The following IPO11 variants were observed in gnomAD, a reference collection of about 807,000 sequenced individuals.
IPO11 encodes importin 11, also known as importin-11.
A neutral mutation model predicts 143.2 loss-of-function variants in IPO11; 66 were observed. The ratio of observed to expected loss-of-function variants is 0.46; its 90% CI spans 0.38 to 0.57. IPO11 has a LOEUF of 0.57. IPO11 is among the 20% of genes least tolerant of loss of function. The probability of loss-of-function intolerance (pLI) is 0.00; values close to 1 mark genes in which losing one functional copy is unlikely to be tolerated. For missense variants in IPO11, 1,026 were observed against 1,141.0 expected (o/e 0.90, Z 1.45); for synonymous variants, 385 against 377.8 (o/e 1.02, Z -0.22).
At chr5:62,424,964 A>G (rs1478995433) in intron 1 of IPO11, among the ~76,000 whole-genome samples, 1 of 152,226 alleles carries the variant, frequency 6.6e-6, no homozygotes, top group South Asian at 2.1e-4. Flanking sequence ...TTCTTTTGGT[A>G]GAGTGATGCA....
chr5:62,594,004 A>G (rs565411096), intron 28 of IPO11, among the ~76,000 whole-genome samples: 3 of 152,336 alleles, frequency 2.0e-5, no homozygotes, highest in East Asian at 3.9e-4. Flanking sequence ...TTGGCTTTCA[A>G]CTTCCCCTTC....
At chr5:62,585,304 T>C (rs1482033987) in intron 27 of IPO11, among the ~76,000 whole-genome samples, 1 of 152,210 alleles carries the variant, frequency 6.6e-6, no homozygotes, top group African/African-American at 2.4e-5. Context: ...CTGCTTCTCA[T>C]CTATGAAAGC....
chr5:62,619,769 C>A (rs566059101), intron 29 of IPO11, among the ~76,000 whole-genome samples: 1 of 151,674 alleles, frequency 6.6e-6, no homozygotes, highest in East Asian at 1.9e-4. Flanking sequence ...AGGAGAATGG[C>A]GTGAACCCAG....
At chr5:62,517,360 A>G (rs1389526210) in intron 20 of IPO11, among the ~76,000 whole-genome samples, 1 of 152,146 alleles carries the variant, frequency 6.6e-6, no homozygotes, top group Non-Finnish European at 1.5e-5. Flanking sequence ...ACAATGAACG[A>G]CCCGAGATAT....
intron 20 of IPO11, 32 bp from the exon 21 acceptor site, chr5:62,526,110 C>G: frequency 7.0e-7 from 1 of 1,425,928 alleles, no homozygotes. Context: ...ATTAGAGTGT[C>G]TTATTATAAG....
At chr5:62,527,049 G>T (rs573684495) in intron 21 of IPO11, among the ~76,000 whole-genome samples, 1 of 152,018 alleles carries the variant, frequency 6.6e-6, no homozygotes, top group Non-Finnish European at 1.5e-5. Context: ...AATTACTTTG[G>T]TGCAAATTAT....
At chr5:62,552,041 G>A (rs32169) in intron 26 of IPO11, among the ~76,000 whole-genome samples, 13,819 of 151,992 alleles carry the variant, frequency 0.091, 682 homozygotes, top group East Asian at 0.14. Context: ...GGAGAATGGC[G>A]TGAACCCGGG....
rs372244947 is a variant in IPO11 at position 62,455,015 on chromosome 5, G to T, written c.516+3082G>T. ...GCTGAACCTGGAGATAGGGACTAAA[G>T]TAGGGACTAGGAAGGGTATCCTGTC... On this transcript the variant is annotated intron_variant, in intron 5 of 29. Coordinates refer to ENST00000325324, the MANE Select transcript of IPO11 (RefSeq NM_016338.5). Among the ~76,000 whole-genome samples, 4 of 152,214 alleles carry T rather than the reference G, an allele frequency of 2.6e-5. No individual in the cohort carries two copies. In the East Asian group the frequency reaches 7.7e-4, roughly 29 times the overall value.
intron 24 of IPO11, among the ~76,000 whole-genome samples, chr5:62,546,787 A>G (rs369607289): frequency 6.6e-6 from 1 of 152,198 alleles, no homozygotes; most frequent in African/African-American, 2.4e-5. Flanking sequence ...TCCATTAAAA[A>G]GAAATGAAGA....
In IPO11 at chr5:62,536,779, C is replaced by T. The variant is rs1742748432; in HGVS notation, c.2167C>T (p.Gln723Ter). 5 of 1,559,516 alleles carry T rather than the reference C, an allele frequency of 3.2e-6. No individual in the cohort carries two copies. The highest frequency in any genetic ancestry group is 1.7e-4 in the Middle Eastern group (1 of 5,812). ...YIFLSSTEFL[Q>*]TYAVGLCQSF... ...CTTTTTATCATCAACAGAATTTTTA[C>T]AGGTATGTTGGAGTACTTTTGCATT... Residue 723 changes from glutamine (Q) to a stop codon, truncating the protein, a stop_gained and splice_region_variant, in exon 23 of 30, where the codon CAG becomes TAG. Coordinates refer to ENST00000325324, the MANE Select transcript of IPO11 (RefSeq NM_016338.5). LOFTEE classifies it high-confidence loss of function.
intron 19 of IPO11, among the ~76,000 whole-genome samples, chr5:62,513,207 C>T (rs1204098181): frequency 2.0e-3 from 301 of 151,174 alleles, no homozygotes; most frequent in African/African-American, 5.5e-3. Context: ...GCTGGCCAGG[C>T]GGGGCGCTGA....
chr5:62,581,537 G>A (rs1389938826), intron 27 of IPO11: 3 of 400,406 alleles, frequency 7.5e-6, no homozygotes, highest in Non-Finnish European at 1.3e-5. Flanking sequence ...ATCAAGCACT[G>A]TGCCAAATAT....
chr5:62,545,200 A>C (rs1253746001), intron 24 of IPO11, among the ~76,000 whole-genome samples: 1 of 152,216 alleles, frequency 6.6e-6, no homozygotes, highest in Non-Finnish European at 1.5e-5. Context: ...TTCAAACTAT[A>C]CTACAAGGCT....
At chr5:62,605,670 C>T (rs1368876408) in intron 29 of IPO11, among the ~76,000 whole-genome samples, 1 of 151,306 alleles carries the variant, frequency 6.6e-6, no homozygotes, top group Admixed American at 6.6e-5. Context: ...TAGTTTTGAG[C>T]ATTTTAATGC....
chr5:62,487,736 G>A (rs1561331379), intron 12 of IPO11, 35 bp from the exon 13 acceptor site: 5 of 1,525,380 alleles, frequency 3.3e-6, no homozygotes, highest in Admixed American at 2.1e-5. Context: ...GTATGCAACT[G>A]TTTTGATGAG....
chr5:62,435,478 T>G lies in IPO11; in HGVS notation c.-6-1796T>G, dbSNP rs535062956. Among the ~76,000 whole-genome samples, 3 of 151,490 alleles carry G rather than the reference T, an allele frequency of 2.0e-5. No individual in the cohort carries two copies. The East Asian group carries it at 5.9e-4, about 30-fold the overall frequency. On this transcript the variant is annotated intron_variant, in intron 1 of 29. Coordinates refer to ENST00000325324, the MANE Select transcript of IPO11 (RefSeq NM_016338.5). ...CTGGGCCCGGTGGTGCATGTCTGTG[T>G]TCCCAGCTACTTAGGAGGCTGAGGT...
chr5:62,475,377 G>A (rs539492665), intron 8 of IPO11, among the ~76,000 whole-genome samples: 1 of 152,104 alleles, frequency 6.6e-6, no homozygotes, highest in East Asian at 1.9e-4. Context: ...TAAAAAGTTA[G>A]CCAGGCATGA....
At chr5:62,420,267 G>A (rs1743459892) in intron 1 of IPO11, among the ~76,000 whole-genome samples, 1 of 149,554 alleles carries the variant, frequency 6.7e-6, no homozygotes, top group African/African-American at 2.5e-5. Flanking sequence ...CTCCAGCCTG[G>A]GCAACAAGAG....
chr5:62,487,713 A>G (rs1746461719), intron 12 of IPO11, 58 bp from the exon 13 acceptor site: 1 of 1,356,054 alleles, frequency 7.4e-7, no homozygotes, highest in Non-Finnish European at 9.6e-7. Flanking sequence ...TTATTAAAGA[A>G]TTAGTCAATA....
Sources: allele counts gnomAD v4.1 joint callset (sites outside exome capture counted in the v4.1 genomes callset), GRCh38; gene constraint gnomAD v4.1.1; transcripts MANE v1.5; gene names NCBI Gene and HGNC (gene_info 2026-07-23, HGNC 2026-07-21).